Variants in DOCK4 observed in about 807,000 individuals in gnomAD.
DOCK4 encodes the protein dedicator of cytokinesis protein 4.
In DOCK4, 97 loss-of-function variants were observed where a neutral mutation model predicts 268.1. The observed-to-expected ratio is 0.36, with a 90% confidence interval of 0.31 to 0.43. The LOEUF is 0.43. Ranked by LOEUF, DOCK4 falls within the 20% of genes least tolerant of loss-of-function variation. DOCK4 has a pLI of 1.00. For missense variants in DOCK4, 2,145 were observed against 2,455.7 expected (o/e 0.87, Z 2.67); for synonymous variants, 954 against 887.2 (o/e 1.08, Z -1.34).
At chr7:111,808,926 A>T (rs1247582031) in intron 29 of DOCK4, 47 bp from the exon 30 acceptor site, 2 of 1,583,286 alleles carry the variant, frequency 1.3e-6, no homozygotes, top group East Asian at 2.2e-5. Context: ...CTCCAGAACA[A>T]GGAAGTATTT....
intron 12 of DOCK4, among the ~76,000 whole-genome samples, chr7:111,934,517 G>GGTTTTTTT (rs1794527033): frequency 1.1e-5 from 1 of 89,472 alleles, no homozygotes; most frequent in African/African-American, 4.5e-5. Flanking sequence ...GTTTTGTTTT[G>GGTTTTTTT]TTTTTGTTTT....
At chr7:112,019,662 T>C (rs577844285) in intron 1 of DOCK4, among the ~76,000 whole-genome samples, 1 of 152,262 alleles carries the variant, frequency 6.6e-6, no homozygotes, top group East Asian at 1.9e-4. Flanking sequence ...CATAAATAAA[T>C]AAATTTCCCT....
intron 13 of DOCK4, among the ~76,000 whole-genome samples, chr7:111,910,034 C>T (rs922158609): frequency 1.1e-4 from 17 of 150,874 alleles, no homozygotes; most frequent in Admixed American, 1.1e-3. Flanking sequence ...AAAGTGAATG[C>T]ACTGAAATGT....
At chr7:112,071,875 G>T (rs1807615204) in intron 1 of DOCK4, among the ~76,000 whole-genome samples, 3 of 152,272 alleles carry the variant, frequency 2.0e-5, no homozygotes, top group South Asian at 4.1e-4. Context: ...GAAGGGTAAA[G>T]AATTATCTCA....
At chr7:111,959,511 G>C (rs1315627092) in intron 8 of DOCK4, among the ~76,000 whole-genome samples, 1 of 152,196 alleles carries the variant, frequency 6.6e-6, no homozygotes, top group East Asian at 1.9e-4. Context: ...TATGAGACGA[G>C]AAATACTAGC....
intron 13 of DOCK4, among the ~76,000 whole-genome samples, chr7:111,914,445 C>T (rs1369051228): frequency 6.6e-6 from 1 of 152,178 alleles, no homozygotes; most frequent in Non-Finnish European, 1.5e-5. Context: ...ACCCAAAGTG[C>T]TGAGTGTGAC....
chr7:112,005,777 T>C (rs1373177585), intron 1 of DOCK4, among the ~76,000 whole-genome samples: 2 of 152,186 alleles, frequency 1.3e-5, no homozygotes, highest in African/African-American at 2.4e-5. Context: ...AGGAACACCC[T>C]TGTACACCCA....
intron 17 of DOCK4, among the ~76,000 whole-genome samples, chr7:111,875,213 G>T (rs768540012): frequency 6.6e-6 from 1 of 152,120 alleles, no homozygotes; most frequent in Non-Finnish European, 1.5e-5. Context: ...ATGGAATTCC[G>T]ATCCCACTTT....
At chr7:112,121,275 T>C (rs1812700288) in intron 1 of DOCK4, among the ~76,000 whole-genome samples, 1 of 152,232 alleles carries the variant, frequency 6.6e-6, no homozygotes, top group Non-Finnish European at 1.5e-5. Context: ...TTCTGTATCC[T>C]TGGATAAAGA....
chr7:111,996,816 G>A (rs982221725), intron 4 of DOCK4, among the ~76,000 whole-genome samples: 4 of 152,160 alleles, frequency 2.6e-5, no homozygotes, highest in Middle Eastern at 3.2e-3. Flanking sequence ...AAAAAAGGAC[G>A]TACTTATTTA....
rs1376714511 is a variant in DOCK4, at chr7:111,739,595, A to C, written c.5041-118T>G. 7 of 793,532 alleles carry C rather than the reference A, an allele frequency of 8.8e-6. No homozygotes were observed. In the Admixed American group the frequency reaches 1.8e-4, roughly 20 times the overall value. 49.2% of individuals were successfully genotyped at this position (793,532 alleles called of 1,614,324 possible). A position where few individuals can be genotyped will look rare whatever the true frequency, so the allele number is the denominator to read the frequency against. On this transcript the variant is annotated intron_variant, in intron 47 of 52. Transcript: ENST00000428084. ...ATTAGCAACAAAAAGTCCGTTTAAC[A>C]ATATAGAAAATCTTAATAACTTAGA... is the stretch of plus-strand genomic sequence containing the variant.
chr7:112,078,118 T>A (rs1433095836), intron 1 of DOCK4, among the ~76,000 whole-genome samples: 2 of 152,168 alleles, frequency 1.3e-5, no homozygotes, highest in East Asian at 1.9e-4. Context: ...TCAATATACA[T>A]AAATTCATCA....
At chr7:111,916,989 T>G (rs1032728521) in intron 12 of DOCK4, among the ~76,000 whole-genome samples, 2 of 91,750 alleles carry the variant, frequency 2.2e-5, no homozygotes, top group African/African-American at 3.8e-5. Flanking sequence ...TGTTTTTTTT[T>G]TTTTTTTTTT....
chr7:111,811,994 A>C (rs1033806329), intron 27 of DOCK4, 45 bp from the exon 28 acceptor site: 10 of 1,101,310 alleles, frequency 9.1e-6, no homozygotes, highest in African/African-American at 1.6e-5. Flanking sequence ...ATATTAGTGA[A>C]AATCATTTAG....
intron 1 of DOCK4, among the ~76,000 whole-genome samples, chr7:112,202,414 GA>G (rs1165100387): frequency 1.3e-5 from 2 of 152,174 alleles, no homozygotes; most frequent in African/African-American, 4.8e-5. Flanking sequence ...ACAGAATGGA[GA>G]TACAATAAAT....
chr7:111,739,698 T>C lies in DOCK4; in HGVS notation c.5041-221A>G, dbSNP rs895499089. The C allele has an allele frequency of 1.4e-5, 8 of 551,966 alleles. No homozygotes were observed. The African/African-American group carries it at 1.5e-4, about 10-fold the overall frequency. The allele number at this position is 551,966 out of a possible 1,614,324, so 34.2% of individuals were successfully genotyped here. The stretch of plus-strand genomic sequence containing the variant: ...CCAAAGGAATGCCTTCGTGTTAGAT[T>C]CAGCTATACACTGTGACTTCGTACC... On this transcript the variant is annotated intron_variant, in intron 47 of 52. Coordinates refer to ENST00000428084, the MANE Select transcript of DOCK4 (RefSeq NM_001363540.2).
chr7:111,999,241 T>C (rs575914581), intron 3 of DOCK4, among the ~76,000 whole-genome samples: 6 of 152,296 alleles, frequency 3.9e-5, no homozygotes, highest in African/African-American at 1.4e-4. Context: ...CAAACTCAAT[T>C]AAATATTTAA....
intron 1 of DOCK4, among the ~76,000 whole-genome samples, chr7:112,061,828 G>C (rs111251404): frequency 6.6e-6 from 1 of 151,650 alleles, no homozygotes; most frequent in Admixed American, 6.6e-5. Context: ...CTTTGCTGGA[G>C]GAATTCCCAG....
intron 1 of DOCK4, among the ~76,000 whole-genome samples, chr7:112,186,020 T>C (rs901907544): frequency 6.6e-6 from 1 of 152,206 alleles, no homozygotes; most frequent in African/African-American, 2.4e-5. Context: ...CACTACCTTC[T>C]GATGAGTTCT....
Sources: allele counts gnomAD v4.1 joint callset (sites outside exome capture counted in the v4.1 genomes callset), GRCh38; gene constraint gnomAD v4.1.1; transcripts MANE v1.5; gene names NCBI Gene and HGNC (gene_info 2026-07-23, HGNC 2026-07-21).